Variants in SIRT6 observed in about 807,000 individuals in gnomAD.
SIRT6 encodes sirtuin 6.
In SIRT6, 21 loss-of-function variants were observed where a neutral mutation model predicts 33.6. The observed-to-expected ratio is 0.62, with a 90% CI of 0.44 to 0.90. The LOEUF is 0.90. Among genes scored for constraint, SIRT6 ranks in the 40% least tolerant of loss-of-function variants. SIRT6 has a pLI of 0.00. For synonymous variants in SIRT6, 221 were observed against 223.9 expected (o/e 0.99, Z 0.12); for missense variants, 504 against 510.6 (o/e 0.99, Z 0.12).
intron 1 of SIRT6, among the ~76,000 whole-genome samples, chr19:4,181,368 G>A (rs1418263025): frequency 6.6e-6 from 1 of 152,226 alleles, no homozygotes; most frequent in Non-Finnish European, 1.5e-5. Flanking sequence ...TGGTTTCCAT[G>A]CAACCCCTAG....
intron 4 of SIRT6, 66 bp downstream of exon 4, chr19:4,177,013 G>T: frequency 7.0e-7 from 1 of 1,430,272 alleles, no homozygotes; most frequent in Non-Finnish European, 9.7e-7. Flanking sequence ...GGGTCTCTGG[G>T]ACATCGGATT....
rs1243489246 is a variant in SIRT6 at position 4,179,183 on chromosome 19, G to C, written c.298C>G (p.Gln100Glu). ...CGGAGGAGGCCCACGCGCTCCAGCT[G>C]CACCAGCGCCATGTGGGTCTGCGTG... ...RPTQTHMALVQLERVGLLRFL... is the reference protein window; with the variant it reads ...RPTQTHMALVELERVGLLRFL... The change falls in exon 3 of 8, where the codon CAG becomes GAG. Residue 100 changes from glutamine (Q) to glutamate (E), a missense_variant. Transcript: ENST00000337491. The C allele has an allele frequency of 3.7e-6, 6 of 1,612,162 alleles. No homozygotes were observed. Among genetic ancestry groups the C allele is most frequent in the Non-Finnish European group, 4.2e-6 (5 of 1,179,708 alleles).
intron 4 of SIRT6, among the ~76,000 whole-genome samples, chr19:4,176,361 C>A (rs963463328): frequency 7.9e-5 from 12 of 152,154 alleles, no homozygotes; most frequent in Non-Finnish European, 1.5e-4. Flanking sequence ...GAGGCTGAGG[C>A]GGGCAGATCA....
chr19:4,179,085 G>A lies in SIRT6; in HGVS notation c.377+19C>T, dbSNP rs766580534. 2.5e-6 allele frequency: 4 copies of A among 1,609,844 alleles called. No homozygotes were observed. The Admixed American group carries it at 5.0e-5, about 20-fold the overall frequency. On this transcript the variant is annotated intron_variant, in intron 3 of 7. Transcript: ENST00000337491. Reference sequence around the variant, plus strand: ...GTGGGGCCCCAAGCTCTTTTGTGGGGGCGGGGCCAGGGTGTTACCTGGGGA... The same window carrying A: ...GTGGGGCCCCAAGCTCTTTTGTGGGAGCGGGGCCAGGGTGTTACCTGGGGA...
Position 4,174,713 on chromosome 19 carries a change from G to T in SIRT6, c.972C>A (p.Asn324Lys), listed in dbSNP as rs757305022. 1 of 1,472,444 alleles carries T rather than the reference G, an allele frequency of 6.8e-7. No homozygotes were observed. The highest frequency in any genetic ancestry group is 9.0e-7 in the Non-Finnish European group (1 of 1,110,526). The allele number at this position is 1,472,444 out of a possible 1,614,324, so 91.2% of individuals were successfully genotyped here. A position where few individuals can be genotyped will look rare whatever the true frequency, so the allele number is the denominator to read the frequency against. ...GPKQEPCAQH[N>K]GSEPASPKRE... ...GTTTGGGGCTGGCGGGCTCTGAGCC[G>T]TTGTGCTGGGCGCAGGGCTCCTGCT... Residue 324 changes from asparagine to lysine, a missense_variant, in exon 8 of 8, where the codon AAC (asparagine) becomes AAA (lysine). Asn to Lys is a moderately conservative substitution (Grantham distance 94). Transcript: ENST00000337491. This position sits in a 1 kb window ranked among gnomAD's most constrained non-coding sequence, Gnocchi z 4.2.
chr19:4,179,605 T>C (rs958968882), intron 2 of SIRT6: 7 of 415,426 alleles, frequency 1.7e-5, no homozygotes, highest in African/African-American at 1.0e-4. Context: ...AAATGACTTA[T>C]TCTATTCAAC....
chr19:4,176,030 G>T, intron 4 of SIRT6, 93 bp from the exon 5 acceptor site: 4 of 1,137,534 alleles, frequency 3.5e-6, no homozygotes, highest in Non-Finnish European at 5.1e-6. Context: ...CCAGGGAGGT[G>T]GGGGGTGGAC....
intron 1 of SIRT6, 112 bp from the exon 2 acceptor site, chr19:4,181,021 T>C: frequency 4.3e-6 from 6 of 1,401,112 alleles, no homozygotes; most frequent in Non-Finnish European, 5.7e-6. Flanking sequence ...GGAAAATGGA[T>C]TGGAAAAGGC....
intron 4 of SIRT6, among the ~76,000 whole-genome samples, chr19:4,176,643 A>G (rs886814852): frequency 1.3e-5 from 2 of 152,154 alleles, no homozygotes; most frequent in African/African-American, 4.8e-5. Context: ...GTCCAGGACC[A>G]CCAAGGGTGG....
At chr19:4,179,360 G>A (rs1967494120) in intron 2 of SIRT6, 74 bp from the exon 3 acceptor site, 2 of 1,429,284 alleles carry the variant, frequency 1.4e-6, no homozygotes, top group African/African-American at 1.4e-5. Context: ...AATCAGAGAG[G>A]TATAGAGAGA....
rs770477166 is a variant in SIRT6 at position 4,177,056 on chromosome 19, C to A, written c.437+23G>T. On this transcript the variant is annotated intron_variant, in intron 4 of 7. Coordinates refer to ENST00000337491, the MANE Select transcript of SIRT6 (RefSeq NM_016539.4). ...CAACCCCCTCTGGCAGAGCCCCCAC[C>A]CCTGCACCCAGGTGGCACTCACGTC... is the stretch of plus-strand genomic sequence containing the variant. The A allele has an allele frequency of 2.5e-6, 4 of 1,611,540 alleles. No individual in the cohort carries two copies. The South Asian group carries it at 4.4e-5, about 18-fold the overall frequency.
chr19:4,177,021 A>G, intron 4 of SIRT6, 58 bp downstream of exon 4: 4 of 1,497,674 alleles, frequency 2.7e-6, no homozygotes, highest in Non-Finnish European at 3.7e-6. Flanking sequence ...GGGACATCGG[A>G]TTCGACCCCC....
chr19:4,175,462 G>A (rs1441344589), intron 6 of SIRT6: 6 of 626,090 alleles, frequency 9.6e-6, no homozygotes, highest in South Asian at 6.2e-5. Context: ...GACACCTGGC[G>A]GAAGCCTTGG....
At chr19:4,177,606 G>A (rs1438724194) in intron 3 of SIRT6, among the ~76,000 whole-genome samples, 3 of 152,034 alleles carry the variant, frequency 2.0e-5, no homozygotes, top group Non-Finnish European at 2.9e-5. Context: ...TGTTGCCCAG[G>A]TTGGAGTGCA....
chr19:4,177,035 C>A (rs1967344904), intron 4 of SIRT6, 44 bp downstream of exon 4: 3 of 1,570,946 alleles, frequency 1.9e-6, no homozygotes, highest in Non-Finnish European at 2.6e-6. Flanking sequence ...GACCCCCAAC[C>A]CCCTCTGGCA....
intron 2 of SIRT6, 115 bp from the exon 3 acceptor site, chr19:4,179,401 A>G (rs1967496289): frequency 1.7e-6 from 2 of 1,143,780 alleles, no homozygotes; most frequent in African/African-American, 3.1e-5. Flanking sequence ...CAGGAGACAG[A>G]GAGAGACAGG....
chr19:4,174,906 T>C lies in SIRT6; in HGVS notation c.779A>G (p.Glu260Gly), dbSNP rs200486957. ...GTGCTTCATGAGCCGGGTCATGACC[T>C]CGTCAACGTAGCCATGGATGCGGAG... is the stretch of plus-strand genomic sequence containing the variant. ...ADLRIHGYVD[E>G]VMTRLMKHLG... The change falls in exon 8 of 8, where the codon GAG becomes GGG. Residue 260 changes from glutamate to glycine, a missense_variant. Coordinates refer to ENST00000337491, the MANE Select transcript of SIRT6 (RefSeq NM_016539.4). The surrounding 1 kb of genome is among the most constrained non-coding windows in gnomAD (Gnocchi z 4.2). 1.2e-6 allele frequency: 2 copies of C among 1,604,652 alleles called. No homozygotes were observed. Among genetic ancestry groups the C allele is most frequent in the East Asian group, 2.2e-5 (1 of 44,842 alleles).
Position 4,174,906 on chromosome 19 carries a change from T to G in SIRT6, c.779A>C (p.Glu260Ala), listed in dbSNP as rs200486957. Residue 260 changes from glutamate to alanine, a missense_variant, in exon 8 of 8, where the codon GAG becomes GCG. Physicochemically the swap from Glu to Ala is moderately radical, Grantham distance 107 (BLOSUM62 -1). Transcript: ENST00000337491. The surrounding 1 kb of genome is among the most constrained non-coding windows in gnomAD (Gnocchi z 4.2). Reference sequence around the variant, plus strand: ...GTGCTTCATGAGCCGGGTCATGACCTCGTCAACGTAGCCATGGATGCGGAG... The same window carrying G: ...GTGCTTCATGAGCCGGGTCATGACCGCGTCAACGTAGCCATGGATGCGGAG... ...ADLRIHGYVD[E>A]VMTRLMKHLG... 37 of 1,604,536 alleles carry G rather than the reference T, an allele frequency of 2.3e-5. No individual in the cohort carries two copies. The highest frequency in any genetic ancestry group is 3.1e-5 in the Non-Finnish European group (36 of 1,179,772).
At chr19:4,181,043 A>C in intron 1 of SIRT6, 134 bp from the exon 2 acceptor site, 1 of 1,187,568 alleles carries the variant, frequency 8.4e-7, no homozygotes, top group Non-Finnish European at 1.2e-6. Context: ...GCTTGTCCTC[A>C]TGCCCCTCCT....
Sources: allele counts gnomAD v4.1 joint callset (sites outside exome capture counted in the v4.1 genomes callset), GRCh38; gene constraint gnomAD v4.1.1; non-coding constraint Gnocchi (gnomAD v3.1); transcripts MANE v1.5; gene names NCBI Gene and HGNC (gene_info 2026-07-23, HGNC 2026-07-21).